The following FRK variants were observed in gnomAD, a reference collection of about 807,000 sequenced individuals.
FRK encodes fyn related Src family tyrosine kinase, also known as tyrosine-protein kinase FRK.
A neutral mutation model predicts 56.4 loss-of-function variants in FRK; 51 were observed. That is an observed-to-expected ratio of 0.90 (90% CI 0.72 to 1.14). The LOEUF is 1.14. Among genes scored for constraint, FRK ranks in the 50% most tolerant of loss-of-function variants. FRK has a pLI of 0.00. For synonymous variants in FRK, 245 were observed against 217.9 expected (o/e 1.12, Z -1.10); for missense variants, 570 against 601.4 (o/e 0.95, Z 0.55).
chr6:116,017,837 T>C (rs560749071), intron 1 of FRK, among the ~76,000 whole-genome samples: 1 of 152,286 alleles, frequency 6.6e-6, no homozygotes, highest in African/African-American at 2.4e-5. Flanking sequence ...CATCCTGCCA[T>C]AGCCCACCTT....
chr6:116,083,612 TG>T, the FRK span, among the ~76,000 whole-genome samples: 1 of 152,164 alleles, frequency 6.6e-6, no homozygotes, highest in Non-Finnish European at 1.5e-5. Flanking sequence ...TACAGATTGC[TG>T]GGCCCGACCT....
intron 2 of FRK, among the ~76,000 whole-genome samples, chr6:115,995,607 G>GA (rs994540563): frequency 2.6e-5 from 4 of 151,292 alleles, no homozygotes; most frequent in South Asian, 4.2e-4. Flanking sequence ...ACAAAAGAGG[G>GA]AAAAAAAAGA....
intron 1 of FRK, among the ~76,000 whole-genome samples, chr6:116,036,703 T>A (rs1776495537): frequency 6.6e-6 from 1 of 151,904 alleles, no homozygotes; most frequent in South Asian, 2.1e-4. Context: ...GTGGTAATAT[T>A]CTTTTGAAAA....
chr6:116,012,629 C>G (rs1775513072), intron 1 of FRK, among the ~76,000 whole-genome samples: 1 of 152,176 alleles, frequency 6.6e-6, no homozygotes, highest in Non-Finnish European at 1.5e-5. Context: ...TAAATAAATA[C>G]TTGTTGATGA....
At chr6:115,946,205 G>A (rs905720335) in intron 5 of FRK, among the ~76,000 whole-genome samples, 2 of 152,066 alleles carry the variant, frequency 1.3e-5, no homozygotes, top group African/African-American at 4.8e-5. Context: ...GCCCTGACTT[G>A]AGAGGCAGCT....
At chr6:116,014,512 A>C (rs1191213207) in intron 1 of FRK, among the ~76,000 whole-genome samples, 1 of 152,096 alleles carries the variant, frequency 6.6e-6, no homozygotes, top group Non-Finnish European at 1.5e-5. Flanking sequence ...AAGAAACCAA[A>C]AAGGTATTTG....
At chr6:116,063,849 T>C (rs918655044), upstream of FRK, among the ~76,000 whole-genome samples, 3 of 152,118 alleles carry the variant, frequency 2.0e-5, no homozygotes, top group Admixed American at 1.3e-4. Context: ...TTAAAAAAAG[T>C]ATTTTAGAGA....
intron 2 of FRK, among the ~76,000 whole-genome samples, chr6:115,980,300 G>A (rs914831715): frequency 1.3e-4 from 20 of 152,022 alleles, no homozygotes; most frequent in African/African-American, 3.9e-4. Context: ...ATTCAGAGTC[G>A]TTTTTAAAAA....
At chr6:115,947,991 C>G (rs1772535832) in intron 5 of FRK, among the ~76,000 whole-genome samples, 1 of 152,170 alleles carries the variant, frequency 6.6e-6, no homozygotes, top group South Asian at 2.1e-4. Context: ...TTGTGAAAGC[C>G]TCTTCTACTA....
chr6:115,993,778 A>G (rs1346597330), intron 2 of FRK, among the ~76,000 whole-genome samples: 1 of 151,992 alleles, frequency 6.6e-6, no homozygotes, highest in Admixed American at 6.6e-5. Flanking sequence ...TTTGTGCATC[A>G]TCTGTCCTCA....
chr6:116,010,228 T>A (rs567046509), intron 1 of FRK, among the ~76,000 whole-genome samples: 73 of 150,824 alleles, frequency 4.8e-4, no homozygotes, highest in South Asian at 8.4e-4. Flanking sequence ...AAAAAAAAAA[T>A]TCACAAACTA....
At chr6:116,000,742 C>G (rs928779919) in intron 2 of FRK, among the ~76,000 whole-genome samples, 2 of 152,066 alleles carry the variant, frequency 1.3e-5, no homozygotes, top group African/African-American at 2.4e-5. Flanking sequence ...GAATATATTA[C>G]CATGAAAATA....
In FRK at chr6:115,968,579, T is replaced by C. The variant is rs1427533920; in HGVS notation, c.627A>G (p.Leu209=). ...CACAGCTTGAAAGCATTTTCACCTT[T>C]AAGCATGGTTTCCCCAGCTTGACAC... The part of the protein sequence containing the change: ...GLCVKLGKPC[L]KIQVPAPFDL... The change falls in exon 3 of 8, where the codon TTA becomes TTG. Residue 209 remains leucine (L), a synonymous_variant. Transcript: ENST00000606080. 1.9e-6 allele frequency: 3 copies of C among 1,610,282 alleles called. No homozygotes were observed. Among genetic ancestry groups the C allele is most frequent in the Non-Finnish European group, 2.5e-6 (3 of 1,178,870 alleles).
At chr6:115,991,672 G>C (rs761157314) in intron 2 of FRK, among the ~76,000 whole-genome samples, 17 of 151,876 alleles carry the variant, frequency 1.1e-4, no homozygotes, top group African/African-American at 4.1e-4. Context: ...AATTCAGTTT[G>C]CTAGTATTTT....
intron 1 of FRK, among the ~76,000 whole-genome samples, chr6:116,056,672 A>G (rs1777412393): frequency 6.6e-6 from 1 of 152,280 alleles, no homozygotes; most frequent in Admixed American, 6.5e-5. Context: ...ATATCTTTAA[A>G]AACACCATAA....
intron 2 of FRK, among the ~76,000 whole-genome samples, chr6:115,978,937 C>T (rs1463537085): frequency 6.6e-6 from 1 of 151,748 alleles, no homozygotes; most frequent in East Asian, 1.9e-4. Flanking sequence ...CCTATAGTCC[C>T]AGCTACTCGG....
intron 5 of FRK, among the ~76,000 whole-genome samples, chr6:115,953,745 C>G (rs1474847464): frequency 6.6e-6 from 1 of 152,062 alleles, no homozygotes; most frequent in Non-Finnish European, 1.5e-5. Flanking sequence ...AAGCTAATAC[C>G]AAGAGTCTCA....
intron 1 of FRK, among the ~76,000 whole-genome samples, chr6:116,033,019 C>G (rs947498672): frequency 3.3e-5 from 5 of 151,970 alleles, no homozygotes; most frequent in Admixed American, 2.6e-4. Flanking sequence ...AATAACGTAG[C>G]CTTTTGTTGT....
rs181376737 is a variant in FRK at position 116,020,227 on chromosome 6, A to C, written c.345-16229T>G. On this transcript the variant is annotated intron_variant, in intron 1 of 7. Coordinates refer to ENST00000606080, the MANE Select transcript of FRK (RefSeq NM_002031.3). ...AAAAATTTATAAAAGACAGCTCATT[A>C]ATATTTTATTATTCTCTAAATAATT... Among the ~76,000 whole-genome samples the C allele has an allele frequency of 2.4e-3, 361 of 152,302 alleles. 3 individuals are homozygous for C. The highest frequency in any genetic ancestry group is 0.021 in the Admixed American group (324 of 15,284).
Sources: allele counts gnomAD v4.1 joint callset (sites outside exome capture counted in the v4.1 genomes callset), GRCh38; gene constraint gnomAD v4.1.1; transcripts MANE v1.5; gene names NCBI Gene and HGNC (gene_info 2026-07-23, HGNC 2026-07-21).